MYO16: variants seen among roughly 807,000 people sequenced by gnomAD.
MYO16 encodes unconventional myosin-XVI.
A neutral mutation model predicts 205.3 loss-of-function variants in MYO16; 94 were observed. The observed-to-expected ratio is 0.46, with a 90% confidence interval of 0.39 to 0.54. MYO16 has a LOEUF of 0.54. Ranked by LOEUF, MYO16 falls within the 20% of genes least tolerant of loss-of-function variation. The pLI, the probability that MYO16 is intolerant of heterozygous loss-of-function variation, is 0.00. For synonymous variants in MYO16, 988 were observed against 954.0 expected, an observed-to-expected ratio of 1.04 and a Z score of -0.66; for missense variants, 2,315 against 2,387.5, an observed-to-expected ratio of 0.97 and a Z score of 0.63.
At chr13:108,986,597 G>A (rs1187679735) in intron 20 of MYO16, among the ~76,000 whole-genome samples, 1 of 136,970 alleles carries the variant, frequency 7.3e-6, no homozygotes, top group African/African-American at 2.8e-5. Context: ...ACTCCAGCCT[G>A]GGCAACAAGA....
intron 9 of MYO16, among the ~76,000 whole-genome samples, chr13:108,826,970 T>C (rs962689769): frequency 6.6e-6 from 1 of 152,260 alleles, no homozygotes; most frequent in African/African-American, 2.4e-5. Flanking sequence ...TGAAAAACAA[T>C]CTGGCAGTTC....
At chr13:108,656,370 C>T (rs1459318428) in intron 1 of MYO16, among the ~76,000 whole-genome samples, 1 of 152,172 alleles carries the variant, frequency 6.6e-6, no homozygotes, top group Non-Finnish European at 1.5e-5. Flanking sequence ...TCTGAGGCCT[C>T]TCCAACCATA....
the MYO16 span, among the ~76,000 whole-genome samples, chr13:108,553,005 CTTTTTTTTTTTTTTTTTTTT>C: frequency 1.5e-5 from 1 of 64,848 alleles, no homozygotes; most frequent in Non-Finnish European, 3.0e-5. Context: ...CTTTAATACT[CTTTTTTTTTTTTTTTTTTTT>C]TTTTTTTTTT....
Position 109,140,885 on chromosome 13 carries a change from GCCCGCTGTC to G in MYO16, c.4679_4687del (p.Leu1560_Pro1562del), listed in dbSNP as rs769182624. 1.4e-5 allele frequency: 23 copies of G among 1,594,270 alleles called. No individual in the cohort carries two copies. The highest frequency in any genetic ancestry group is 1.9e-5 in the Non-Finnish European group (22 of 1,172,172). On this transcript the variant is annotated inframe_deletion, in exon 32 of 35. Coordinates refer to ENST00000457511, the MANE Select transcript of MYO16 (RefSeq NM_001198950.3). This position sits in a 1 kb window ranked among gnomAD's most constrained non-coding sequence, Gnocchi z 8.0. Reference sequence around the variant, plus strand: ...TACCCCGTGCAGCCGGAGGGGTCGAGCCCGCTGTCCCCGCAGTACTCCAAGAGCCAGAAG... The same window carrying G: ...TACCCCGTGCAGCCGGAGGGGTCGAGCCCGCAGTACTCCAAGAGCCAGAAG...
intron 34 of MYO16, among the ~76,000 whole-genome samples, chr13:109,197,875 G>A (rs1437935646): frequency 6.6e-6 from 1 of 152,176 alleles, no homozygotes; most frequent in African/African-American, 2.4e-5. Context: ...TTAGGCATGA[G>A]ATTTTGTTTA....
At chr13:108,691,792 G>A (rs557119223) in intron 2 of MYO16, among the ~76,000 whole-genome samples, 9 of 152,300 alleles carry the variant, frequency 5.9e-5, no homozygotes, top group South Asian at 2.1e-4. Flanking sequence ...TGGGTTTAAA[G>A]CAAGGTGACT....
the MYO16 span, among the ~76,000 whole-genome samples, chr13:108,542,612 A>G: frequency 1.3e-5 from 2 of 152,270 alleles, no homozygotes; most frequent in Middle Eastern, 6.8e-3. Context: ...TTATTTTGAA[A>G]TCTTACATAC....
chr13:108,835,860 C>G (rs1277507591), intron 9 of MYO16, among the ~76,000 whole-genome samples: 2 of 152,102 alleles, frequency 1.3e-5, no homozygotes, highest in Admixed American at 6.6e-5. Context: ...TTCTAAGCAG[C>G]AAAGCGTTCA....
Position 109,206,998 on chromosome 13 carries a change from G to T in MYO16, c.*162G>T. 2.7e-6 allele frequency: 1 copy of T among 363,866 alleles called. No homozygotes were observed. The allele number at this position is 363,866 out of a possible 1,614,324, so 22.5% of individuals were successfully genotyped here. A position where few individuals can be genotyped will look rare whatever the true frequency, so the allele number is the denominator to read the frequency against. On this transcript the variant is annotated 3_prime_UTR_variant, in exon 35 of 35. Transcript: ENST00000457511. ...AATATATGAGATCCCGTGTGTGTGT[G>T]TGTGTGTTTGTGTGTGTGTGTGTGG... is the stretch of plus-strand genomic sequence containing the variant.
chr13:108,499,032 T>G, the MYO16 span, among the ~76,000 whole-genome samples: 1 of 152,220 alleles, frequency 6.6e-6, no homozygotes, highest in Admixed American at 6.5e-5. Context: ...AAGTCTATTT[T>G]CATCTTTGTA....
intron 20 of MYO16, among the ~76,000 whole-genome samples, chr13:108,972,249 C>CTCTCTATATATATATATA (rs1178345437): frequency 3.5e-4 from 1 of 2,850 alleles, no homozygotes; most frequent in African/African-American, 1.3e-3. Context: ...CTCTCTCTCT[C>CTCTCTATATATATATATA]TATATATATA....
At chr13:109,179,676 T>TTAAG in intron 34 of MYO16, 43 bp downstream of exon 34, 1 of 1,490,078 alleles carries the variant, frequency 6.7e-7, no homozygotes, top group Non-Finnish European at 9.4e-7. Context: ...ACAAATGGAA[T>TTAAG]TAAGTTATGA....
At chr13:109,017,373 C>G (rs1300523071) in intron 22 of MYO16, among the ~76,000 whole-genome samples, 2 of 152,262 alleles carry the variant, frequency 1.3e-5, no homozygotes, top group African/African-American at 4.8e-5. Context: ...GGTAACCCGA[C>G]CTTTCTCTCT....
chr13:108,750,721 C>T (rs908999112), intron 4 of MYO16, among the ~76,000 whole-genome samples: 1 of 152,014 alleles, frequency 6.6e-6, no homozygotes, highest in South Asian at 2.1e-4. Flanking sequence ...GCGGGGGAAT[C>T]GTTTGAACCT....
chr13:109,002,819 A>C (rs1255608306), intron 21 of MYO16, among the ~76,000 whole-genome samples: 3 of 152,200 alleles, frequency 2.0e-5, no homozygotes, highest in East Asian at 1.9e-4. Context: ...TCACATACAC[A>C]TACAGAGTTT....
At chr13:108,592,278 G>A (rs1174672712), upstream of MYO16, among the ~76,000 whole-genome samples, 1 of 129,350 alleles carries the variant, frequency 7.7e-6, no homozygotes, top group Non-Finnish European at 1.7e-5. Flanking sequence ...TGGGTGTGTG[G>A]GGGGCTGTGT....
rs775213673 is a variant in MYO16 at position 109,127,568 on chromosome 13, A to T, written c.4051+18A>T. ...CAACGAAGGTCAGCCCTGGGGAGGG[A>T]CCCAGCCTCGTGTTCCGGGCTCGCG... On this transcript the variant is annotated intron_variant, in intron 31 of 34. Coordinates refer to ENST00000457511, the MANE Select transcript of MYO16 (RefSeq NM_001198950.3). This position sits in a 1 kb window ranked among gnomAD's most constrained non-coding sequence, Gnocchi z 4.2. The T allele has an allele frequency of 1.9e-6, 3 of 1,603,934 alleles. No homozygotes were observed. In the South Asian group the frequency reaches 3.3e-5, roughly 18 times the overall value.
chr13:108,827,893 A>G (rs1050513040), intron 9 of MYO16, among the ~76,000 whole-genome samples: 3 of 152,146 alleles, frequency 2.0e-5, no homozygotes, highest in Admixed American at 1.3e-4. Flanking sequence ...ATATGTGCCA[A>G]CTTGCATCTC....
At chr13:108,728,886 T>C (rs1298338605) in intron 4 of MYO16, among the ~76,000 whole-genome samples, 1 of 152,178 alleles carries the variant, frequency 6.6e-6, no homozygotes, top group Non-Finnish European at 1.5e-5. Flanking sequence ...CAAAAATATT[T>C]TGGGATTAAA....
Sources: allele counts gnomAD v4.1 joint callset (sites outside exome capture counted in the v4.1 genomes callset), GRCh38; gene constraint gnomAD v4.1.1; non-coding constraint Gnocchi (gnomAD v3.1); transcripts MANE v1.5; gene names NCBI Gene and HGNC (gene_info 2026-07-23, HGNC 2026-07-21).